Variants in EIF2AK4 observed in about 807,000 individuals in gnomAD.
EIF2AK4 encodes the protein eukaryotic translation initiation factor 2 alpha kinase 4, also known as eIF-2-alpha kinase GCN2.
EIF2AK4 carries 139 observed loss-of-function variants against 211.1 expected under a neutral mutation model. The ratio of observed to expected loss-of-function variants is 0.66; its 90% CI spans 0.57 to 0.76. The LOEUF is 0.76. EIF2AK4 is among the 30% of genes least tolerant of loss of function. EIF2AK4 has a pLI of 0.00. For synonymous variants in EIF2AK4, 710 were observed against 751.3 expected, an observed-to-expected ratio of 0.94 and a Z score of 0.90; for missense variants, 1,664 against 2,043.8, an observed-to-expected ratio of 0.81 and a Z score of 3.58.
In EIF2AK4 at chr15:39,953,999, C is replaced by G. The variant is rs771041367; in HGVS notation, c.594+15C>G. On this transcript the variant is annotated intron_variant, in intron 5 of 38. Coordinates refer to ENST00000263791, the MANE Select transcript of EIF2AK4 (RefSeq NM_001013703.4). ...TGGCTAAGCAGGTACCCTATCAACTCCACCATAATAATTTACATTTTGCAA... is the reference window on the plus strand; with the variant it reads ...TGGCTAAGCAGGTACCCTATCAACTGCACCATAATAATTTACATTTTGCAA... 2 of 1,550,972 alleles carry G rather than the reference C, an allele frequency of 1.3e-6. No homozygotes were observed. Among genetic ancestry groups the G allele is most frequent in the Non-Finnish European group, 1.7e-6 (2 of 1,154,342 alleles).
At position 39,965,567 on chromosome 15, in the gene EIF2AK4, C is replaced by T. The variant is rs531644275; in HGVS notation, c.860-119C>T. 1.1e-4 allele frequency: 121 copies of T among 1,149,912 alleles called. No homozygotes were observed. In the African/African-American group the frequency reaches 1.8e-3, roughly 17 times the overall value. The allele number at this position is 1,149,912 out of a possible 1,614,324, so 71.2% of individuals were successfully genotyped here. On this transcript the variant is annotated intron_variant, in intron 7 of 38. Transcript: ENST00000263791. The stretch of plus-strand genomic sequence containing the variant: ...ACATTATTACATAAAGTCCTATTTT[C>T]CATAGTTAGCGCATGGTATCCATTG...
chr15:39,948,985 C>A, intron 3 of EIF2AK4, 131 bp from the exon 4 acceptor site: 1 of 1,056,860 alleles, frequency 9.5e-7, no homozygotes, highest in Non-Finnish European at 1.4e-6. Flanking sequence ...CAGAGTATGT[C>A]ATATCAAAAT....
chr15:40,000,401 AT>A (rs2140933697), intron 20 of EIF2AK4, among the ~76,000 whole-genome samples: 1 of 152,324 alleles, frequency 6.6e-6, no homozygotes, highest in Non-Finnish European at 1.5e-5. Flanking sequence ...AAACAAGAGG[AT>A]TAAACATCAT....
chr15:39,975,737 T>C (rs141240519), intron 11 of EIF2AK4, among the ~76,000 whole-genome samples: 92 of 152,368 alleles, frequency 6.0e-4, no homozygotes, highest in African/African-American at 2.1e-3. Flanking sequence ...CTTAGGTATA[T>C]AACAAAATCA....
At position 40,035,248 on chromosome 15, in the gene EIF2AK4, C is replaced by A. The variant is rs1203575994; in HGVS notation, c.*164C>A. 6.8e-6 allele frequency: 3 copies of A among 441,804 alleles called. No individual in the cohort carries two copies. Among genetic ancestry groups the A allele is most frequent in the Admixed American group, 4.0e-5 (1 of 25,120 alleles). The allele number at this position is 441,804 out of a possible 1,614,324, so 27.4% of individuals were successfully genotyped here. ...ACTTTGGGAAGCCAAGGCAGGAAGA[C>A]TGCTTGAAACCAGGAGTTTGAGACC... On this transcript the variant is annotated 3_prime_UTR_variant, in exon 39 of 39. Coordinates refer to ENST00000263791, the MANE Select transcript of EIF2AK4 (RefSeq NM_001013703.4).
intron 32 of EIF2AK4, among the ~76,000 whole-genome samples, chr15:40,023,970 A>C (rs4924407): frequency 0.11 from 16,309 of 152,216 alleles, 1,806 homozygotes; most frequent in East Asian, 0.36. Context: ...AAAAACAACA[A>C]CAAACAAAGG....
intron 3 of EIF2AK4, among the ~76,000 whole-genome samples, chr15:39,947,051 G>T (rs2034238537): frequency 1.3e-5 from 2 of 152,058 alleles, no homozygotes; most frequent in Admixed American, 1.3e-4. Context: ...AACTGAACCT[G>T]CCATGTCTCA....
chr15:40,018,047 T>C (rs1400495465), intron 29 of EIF2AK4, among the ~76,000 whole-genome samples: 3 of 152,208 alleles, frequency 2.0e-5, no homozygotes, highest in Non-Finnish European at 2.9e-5. Flanking sequence ...TATCTCCCTG[T>C]ATGTCTCTTT....
chr15:39,995,830 C>G lies in EIF2AK4; in HGVS notation c.2767-1134C>G, dbSNP rs567711086. ...CCACAGCGAAGCTGACCGACATACC[C>G]ATCACCTCACCTGGTTTCCATTTTT... On this transcript the variant is annotated intron_variant, in intron 18 of 38. Coordinates refer to ENST00000263791, the MANE Select transcript of EIF2AK4 (RefSeq NM_001013703.4). 8.5e-4 allele frequency among the ~76,000 whole-genome samples: 129 copies of G among 152,316 alleles called. 1 individual carries two copies. In the South Asian group the frequency reaches 0.011, roughly 13 times the overall value.
intron 6 of EIF2AK4, among the ~76,000 whole-genome samples, chr15:39,958,784 T>G (rs949907568): frequency 4.0e-5 from 6 of 149,350 alleles, no homozygotes; most frequent in Non-Finnish European, 6.0e-5. Flanking sequence ...AGATCCTCTT[T>G]CTCCCTCCTG....
At chr15:39,995,033 G>C (rs11070243) in intron 18 of EIF2AK4, among the ~76,000 whole-genome samples, 121,482 of 151,730 alleles carry the variant, frequency 0.8, 50,197 homozygotes, top group Non-Finnish European at 0.93. Flanking sequence ...GTAGAGACAG[G>C]GTTTCACCAT....
Position 39,997,056 on chromosome 15 carries a change from A to C in EIF2AK4, c.2859A>C (p.Gln953His), listed in dbSNP as rs771755030. Reference sequence around the variant, plus strand: ...CAGAAAGGATCTTTGTTCTCAACCAACTCAGAGATGTATGTATCAGGTGTT... The same window carrying C: ...CAGAAAGGATCTTTGTTCTCAACCACCTCAGAGATGTATGTATCAGGTGTT... ...TASERIFVLN[Q>H]LRDPTSPKFP... The change falls in exon 19 of 39, where the codon CAA (glutamine) becomes CAC (histidine). Residue 953 changes from glutamine (Q) to histidine (H), a missense_variant. This residue lies in a region of EIF2AK4 where 622 missense variants were observed against 796.8 expected (regional missense o/e 0.78). Transcript: ENST00000263791. The C allele has an allele frequency of 6.2e-7, 1 of 1,611,114 alleles. No individual in the cohort carries two copies. The highest frequency in any genetic ancestry group is 2.2e-5 in the East Asian group (1 of 44,838).
At position 39,996,508 on chromosome 15, in the gene EIF2AK4, C is replaced by A. The variant is rs138305893; in HGVS notation, c.2767-456C>A. On this transcript the variant is annotated intron_variant, in intron 18 of 38. Coordinates refer to ENST00000263791, the MANE Select transcript of EIF2AK4 (RefSeq NM_001013703.4). ...TCACTTGAGTCCAGGAGTTGGAGAC[C>A]AGCCTGGGCAACATGGCAAAACCCA... 8.5e-3 allele frequency among the ~76,000 whole-genome samples: 1,288 copies of A among 152,230 alleles called. 21 individuals are homozygous for A. Among genetic ancestry groups the A allele is most frequent in the African/African-American group, 0.03 (1,243 of 41,532 alleles).
At chr15:39,963,221 T>TA (rs2034497082) in intron 7 of EIF2AK4, among the ~76,000 whole-genome samples, 2 of 152,212 alleles carry the variant, frequency 1.3e-5, no homozygotes, top group Admixed American at 1.3e-4. Context: ...AAGACATTGG[T>TA]AGTGGTGGTT....
intron 6 of EIF2AK4, among the ~76,000 whole-genome samples, chr15:39,959,513 T>A (rs1399159946): frequency 1.3e-5 from 2 of 152,206 alleles, no homozygotes. Context: ...TTTCTTTCAA[T>A]CCTAGTTATT....
intron 1 of EIF2AK4, among the ~76,000 whole-genome samples, chr15:39,938,409 T>C (rs1413194254): frequency 2.0e-5 from 3 of 152,246 alleles, no homozygotes; most frequent in African/African-American, 7.2e-5. Flanking sequence ...ATCTTACAAA[T>C]TTTGTACACA....
At position 40,029,392 on chromosome 15, in the gene EIF2AK4, T is replaced by TA; in HGVS notation, c.4503-14_4503-13insA. The stretch of plus-strand genomic sequence containing the variant: ...TTGACTGTTCTTTAATTGTTTTTGT[T>TA]TGCTTGTTTTTAGAGAAGCTTCCGA... On this transcript the variant is annotated splice_polypyrimidine_tract_variant and intron_variant, in intron 33 of 38. Transcript: ENST00000263791. The TA allele has an allele frequency of 6.2e-7, 1 of 1,612,228 alleles. No individual in the cohort carries two copies. The highest frequency in any genetic ancestry group is 8.5e-7 in the Non-Finnish European group (1 of 1,179,706).
chr15:39,934,633 C>T (rs955430708), intron 1 of EIF2AK4, among the ~76,000 whole-genome samples: 7 of 152,224 alleles, frequency 4.6e-5, no homozygotes, highest in Non-Finnish European at 8.8e-5. Context: ...CATAACATAA[C>T]TGCCTCCTTC....
chr15:39,999,333 T>C (rs968053064), intron 20 of EIF2AK4, among the ~76,000 whole-genome samples: 2 of 152,138 alleles, frequency 1.3e-5, no homozygotes, highest in African/African-American at 4.8e-5. Flanking sequence ...AAAAAAAATA[T>C]TATTGGTGAA....
Sources: gnomAD v4.1 joint callset for allele counts (sites outside exome capture counted in the v4.1 genomes callset) on GRCh38, gnomAD v4.1.1 for gene constraint, gnomAD v4.1.1 regional missense constraint, MANE v1.5 for transcripts, NCBI Gene and HGNC (gene_info 2026-07-23, HGNC 2026-07-21) for gene names.